ASTN1: variants seen among roughly 807,000 people sequenced by gnomAD.
ASTN1 encodes the protein astrotactin-1.
In ASTN1, 41 loss-of-function variants were observed where a neutral mutation model predicts 140.7. That is an observed-to-expected ratio of 0.29 (90% CI 0.23 to 0.38). ASTN1 has a LOEUF of 0.38. ASTN1 is among the 10% of genes least tolerant of loss of function. ASTN1 has a pLI of 1.00. For missense variants in ASTN1, 1,479 were observed against 1,678.8 expected, an observed-to-expected ratio of 0.88 and a Z score of 2.08; for synonymous variants, 640 against 652.2, an observed-to-expected ratio of 0.98 and a Z score of 0.29.
chr1:176,924,168 C>T (rs1447688235), intron 16 of ASTN1, among the ~76,000 whole-genome samples: 3 of 152,176 alleles, frequency 2.0e-5, no homozygotes, highest in Admixed American at 1.3e-4. Context: ...TCTCTACATA[C>T]CCCATCCAGG....
rs1553231482 is a variant in ASTN1 at position 176,942,820 on chromosome 1, G to GTGTA, written c.2377+1070_2377+1071insTACA. Reference sequence around the variant, plus strand: ...CCAAACCAATGTACTTTGTGTGTGTGTATATATATATATATGTATATATAT... The same window carrying GTGTA: ...CCAAACCAATGTACTTTGTGTGTGTGTGTATATATATATATATATGTATATATAT... On this transcript the variant is annotated intron_variant, in intron 14 of 22. Coordinates refer to ENST00000361833, the MANE Select transcript of ASTN1 (RefSeq NM_004319.3). Among the ~76,000 whole-genome samples, 45 of 25,318 alleles carry GTGTA rather than the reference G, an allele frequency of 1.8e-3. 3 individuals carry two copies. Among genetic ancestry groups the GTGTA allele is most frequent in the South Asian group, 5.3e-3 (3 of 570 alleles). The allele number at this position is 25,318 out of a possible 152,430, so 16.6% of individuals were successfully genotyped here. A position where few individuals can be genotyped will look rare whatever the true frequency, so the allele number is the denominator to read the frequency against.
intron 16 of ASTN1, among the ~76,000 whole-genome samples, chr1:176,901,949 T>A (rs1669784508): frequency 6.6e-6 from 1 of 152,378 alleles, no homozygotes; most frequent in South Asian, 2.1e-4. Context: ...TTAAGGTTAC[T>A]ATATGCTTCA....
intron 21 of ASTN1, 86 bp from the exon 22 acceptor site, chr1:176,869,113 T>C (rs1668240119): frequency 1.1e-6 from 1 of 946,532 alleles, no homozygotes; most frequent in Non-Finnish European, 1.4e-6. Flanking sequence ...ATCTATATCA[T>C]ATAGACATAT....
At chr1:176,928,242 C>A (rs1160556846) in intron 16 of ASTN1, among the ~76,000 whole-genome samples, 1 of 152,090 alleles carries the variant, frequency 6.6e-6, no homozygotes, top group East Asian at 1.9e-4. Flanking sequence ...AGACAATAAA[C>A]TGGTAGCAGT....
At chr1:177,101,465 TGCTTTGTAAGGTA>T (rs1348558530) in intron 1 of ASTN1, among the ~76,000 whole-genome samples, 1 of 152,206 alleles carries the variant, frequency 6.6e-6, no homozygotes, top group African/African-American at 2.4e-5. Flanking sequence ...ACAAAAAGTT[TGCTTTGTAAGGTA>T]GCTTTACATA....
At chr1:176,963,721 C>T (rs562402111) in intron 9 of ASTN1, among the ~76,000 whole-genome samples, 1 of 152,292 alleles carries the variant, frequency 6.6e-6, no homozygotes, top group East Asian at 1.9e-4. Context: ...GGGAACTTAT[C>T]CATGTCAATC....
intron 14 of ASTN1, among the ~76,000 whole-genome samples, chr1:176,938,603 G>A (rs1265835265): frequency 6.6e-6 from 1 of 152,098 alleles, no homozygotes; most frequent in Non-Finnish European, 1.5e-5. Context: ...CCTGGCTCAG[G>A]GATCTTTCAG....
intron 16 of ASTN1, among the ~76,000 whole-genome samples, chr1:176,917,304 T>C (rs1436556540): frequency 1.3e-5 from 2 of 152,160 alleles, no homozygotes; most frequent in African/African-American, 4.8e-5. Flanking sequence ...CACGTAGCTG[T>C]AGGTATGTGT....
At chr1:177,162,801 CT>C (rs1647461932) in intron 1 of ASTN1, among the ~76,000 whole-genome samples, 1 of 152,178 alleles carries the variant, frequency 6.6e-6, no homozygotes, top group African/African-American at 2.4e-5. Flanking sequence ...ACTTTCCATC[CT>C]CCAAATAACC....
chr1:176,978,811 A>G (rs1434747791), intron 8 of ASTN1, among the ~76,000 whole-genome samples: 5 of 152,322 alleles, frequency 3.3e-5, no homozygotes, highest in African/African-American at 4.8e-5. Flanking sequence ...GAAACAGAAG[A>G]CAGTAAAAGC....
chr1:177,137,012 C>T (rs781244743), intron 1 of ASTN1, among the ~76,000 whole-genome samples: 1 of 152,126 alleles, frequency 6.6e-6, no homozygotes, highest in Non-Finnish European at 1.5e-5. Context: ...CACTGGATGC[C>T]TGTAGCACCA....
chr1:176,927,751 A>AG (rs1222209758), intron 16 of ASTN1, among the ~76,000 whole-genome samples: 1 of 152,236 alleles, frequency 6.6e-6, no homozygotes, highest in Non-Finnish European at 1.5e-5. Flanking sequence ...TCCAAAGCTC[A>AG]GCTTTCTGCA....
chr1:177,075,307 C>T (rs546488678), intron 1 of ASTN1, among the ~76,000 whole-genome samples: 3 of 151,898 alleles, frequency 2.0e-5, no homozygotes, highest in South Asian at 2.1e-4. Context: ...CTCCTGACCT[C>T]GTGATCCACC....
chr1:176,953,263 T>C (rs571499738), intron 11 of ASTN1, among the ~76,000 whole-genome samples: 1 of 152,320 alleles, frequency 6.6e-6, no homozygotes, highest in African/African-American at 2.4e-5. Context: ...GGTGCTCTGT[T>C]GGGAGATGAG....
chr1:176,894,757 G>A lies in ASTN1; in HGVS notation c.2745C>T (p.Thr915=). The change falls in exon 17 of 23, where the codon ACC becomes ACT. Residue 915 remains threonine, a synonymous_variant. Coordinates refer to ENST00000361833, the MANE Select transcript of ASTN1 (RefSeq NM_004319.3). ...GCTTGGTGCCGGAGTCTGACAAGCT[G>A]GTGATGTATTCTGGGAATGTCAGCA... is the stretch of plus-strand genomic sequence containing the variant. ...PKVLTFPEYI[T]SLSDSGTKHM... 6.2e-7 allele frequency: 1 copy of A among 1,614,184 alleles called. No individual in the cohort carries two copies. The highest frequency in any genetic ancestry group is 1.1e-5 in the South Asian group (1 of 91,088).
chr1:176,952,274 A>C (rs1211751811), intron 11 of ASTN1, among the ~76,000 whole-genome samples: 2 of 149,634 alleles, frequency 1.3e-5, no homozygotes, highest in African/African-American at 4.9e-5. Flanking sequence ...CAAACACACA[A>C]ACACACACAC....
chr1:177,105,514 G>T (rs557241018), intron 1 of ASTN1, among the ~76,000 whole-genome samples: 2 of 151,938 alleles, frequency 1.3e-5, no homozygotes, highest in African/African-American at 4.8e-5. Flanking sequence ...ATGAAGCTGA[G>T]AGCACAATTT....
chr1:176,918,833 G>T (rs1276487019), intron 16 of ASTN1, among the ~76,000 whole-genome samples: 2 of 152,132 alleles, frequency 1.3e-5, no homozygotes, highest in Admixed American at 1.3e-4. Flanking sequence ...GTGTGGCCCT[G>T]CATGGCCAAT....
At chr1:176,910,835 G>T (rs929960504) in intron 16 of ASTN1, among the ~76,000 whole-genome samples, 1 of 152,160 alleles carries the variant, frequency 6.6e-6, no homozygotes, top group Non-Finnish European at 1.5e-5. Context: ...TCACATCAGC[G>T]GTGGCATTAG....
Sources: allele counts gnomAD v4.1 joint callset (sites outside exome capture counted in the v4.1 genomes callset), GRCh38; gene constraint gnomAD v4.1.1; transcripts MANE v1.5; gene names NCBI Gene and HGNC (gene_info 2026-07-23, HGNC 2026-07-21).